OPCML: variants seen among roughly 807,000 people sequenced by gnomAD.
OPCML encodes opioid-binding protein/cell adhesion molecule.
OPCML carries 13 observed loss-of-function variants against 37.8 expected under a neutral mutation model. The observed-to-expected ratio is 0.34, with a 90% CI of 0.22 to 0.55. The LOEUF is 0.55. Among genes scored for constraint, OPCML ranks in the 20% least tolerant of loss-of-function variants. The probability of loss-of-function intolerance (pLI) is 0.91; values close to 1 mark genes in which losing one functional copy is unlikely to be tolerated. For missense variants in OPCML, 341 were observed against 435.6 expected (o/e 0.78, Z 1.93); for synonymous variants, 176 against 168.8 (o/e 1.04, Z -0.33).
chr11:132,450,110 C>T (rs1192592522), intron 4 of OPCML, among the ~76,000 whole-genome samples: 1 of 152,286 alleles, frequency 6.6e-6, no homozygotes, highest in East Asian at 1.9e-4. Flanking sequence ...CCTGCCCAGG[C>T]CCCAGGGGAG....
At chr11:132,933,715 C>A (rs533923746) in intron 2 of OPCML, among the ~76,000 whole-genome samples, 8 of 152,068 alleles carry the variant, frequency 5.3e-5, no homozygotes, top group South Asian at 2.1e-4. Context: ...ACTGAGAATG[C>A]AAGATAGATA....
At chr11:133,402,163 G>A (rs1240070645) in intron 1 of OPCML, among the ~76,000 whole-genome samples, 1 of 152,118 alleles carries the variant, frequency 6.6e-6, no homozygotes, top group African/African-American at 2.4e-5. Flanking sequence ...TGCATTTGGT[G>A]AGGGTCTTCT....
intron 3 of OPCML, among the ~76,000 whole-genome samples, chr11:132,548,590 C>A (rs548958684): frequency 6.6e-6 from 1 of 152,298 alleles, no homozygotes; most frequent in East Asian, 1.9e-4. Flanking sequence ...GGCAACAGAG[C>A]AGAGCCAGCG....
At chr11:133,357,800 A>G (rs1330140908) in intron 1 of OPCML, among the ~76,000 whole-genome samples, 1 of 152,066 alleles carries the variant, frequency 6.6e-6, no homozygotes, top group Non-Finnish European at 1.5e-5. Context: ...AGTGTTTAGC[A>G]CCTTCTTTGT....
At chr11:133,492,954 A>C (rs1407609010) in intron 1 of OPCML, among the ~76,000 whole-genome samples, 1 of 152,186 alleles carries the variant, frequency 6.6e-6, no homozygotes, top group Non-Finnish European at 1.5e-5. Flanking sequence ...TGCCATAAGA[A>C]GCATCAGGCA....
intron 1 of OPCML, chr11:133,302,262 A>G (rs576317851): frequency 9.2e-5 from 14 of 152,208 alleles, no homozygotes; most frequent in African/African-American, 2.9e-4. Context: ...CGGTTCCCCC[A>G]TGCTGTTCTC....
chr11:132,817,565 G>A lies in OPCML; in HGVS notation c.146+125361C>T, dbSNP rs1939705453. 3.3e-5 allele frequency among the ~76,000 whole-genome samples: 5 copies of A among 152,080 alleles called. No individual in the cohort carries two copies. The South Asian group carries it at 1.0e-3, about 32-fold the overall frequency. On this transcript the variant is annotated intron_variant, in intron 2 of 7. Coordinates refer to ENST00000524381, the MANE Select transcript of OPCML (RefSeq NM_001012393.5). Reference sequence around the variant, plus strand: ...ATAAGGTTTGTTTTTCTGGATATATGCCTATGCTTCAGAGGTGATCTCATA... The same window carrying A: ...ATAAGGTTTGTTTTTCTGGATATATACCTATGCTTCAGAGGTGATCTCATA...
At chr11:133,083,877 G>A (rs556081722) in intron 1 of OPCML, among the ~76,000 whole-genome samples, 1 of 152,192 alleles carries the variant, frequency 6.6e-6, no homozygotes, top group South Asian at 2.1e-4. Flanking sequence ...AATCCTAAAT[G>A]TTCTCTCTTT....
chr11:132,558,319 TCCCCTCTC>T (rs2096401248), intron 3 of OPCML, among the ~76,000 whole-genome samples: 6 of 17,692 alleles, frequency 3.4e-4, no homozygotes, highest in African/African-American at 1.7e-3. Flanking sequence ...CTCCCCCTCC[TCCCCTCTC>T]CCCCCCTCCT....
intron 1 of OPCML, among the ~76,000 whole-genome samples, chr11:133,447,884 G>A (rs1235941202): frequency 2.6e-5 from 4 of 152,146 alleles, no homozygotes; most frequent in African/African-American, 4.8e-5. Context: ...TTTTTAAGTT[G>A]AGTTCTTTGT....
At chr11:133,529,743 GT>G (rs1948565413) in intron 1 of OPCML, among the ~76,000 whole-genome samples, 1 of 152,164 alleles carries the variant, frequency 6.6e-6, no homozygotes, top group Non-Finnish European at 1.5e-5. Flanking sequence ...TAACGAGCTG[GT>G]ATTAATCCCT....
At chr11:133,454,917 C>T (rs939049496) in intron 1 of OPCML, among the ~76,000 whole-genome samples, 1 of 152,064 alleles carries the variant, frequency 6.6e-6, no homozygotes, top group Non-Finnish European at 1.5e-5. Flanking sequence ...TTTAAGAGTC[C>T]CCAGTTTTTC....
At chr11:132,768,241 A>G (rs910855398) in intron 2 of OPCML, among the ~76,000 whole-genome samples, 4 of 152,184 alleles carry the variant, frequency 2.6e-5, no homozygotes, top group African/African-American at 9.6e-5. Context: ...CCAGTTCCCT[A>G]CAGCTCCACC....
At chr11:133,221,396 C>T (rs763952518) in intron 1 of OPCML, among the ~76,000 whole-genome samples, 2 of 152,242 alleles carry the variant, frequency 1.3e-5, no homozygotes, top group African/African-American at 4.8e-5. Flanking sequence ...TGAGCAAAGT[C>T]GCTTGGTCTG....
Position 132,420,176 on chromosome 11 carries a change from G to A in OPCML, c.*17C>T, listed in dbSNP as rs778597510. 3.7e-6 allele frequency: 6 copies of A among 1,611,510 alleles called. No homozygotes were observed. The East Asian group carries it at 8.9e-5, about 24-fold the overall frequency. On this transcript the variant is annotated 3_prime_UTR_variant, in exon 8 of 8. Transcript: ENST00000524381. Reference sequence around the variant, plus strand: ...TATGGAGAAGCAGGCGTTGCTCAGAGGACCTAGGATTTCTTATCAAAACTT... The same window carrying A: ...TATGGAGAAGCAGGCGTTGCTCAGAAGACCTAGGATTTCTTATCAAAACTT...
chr11:133,427,804 C>A (rs1211932291), intron 1 of OPCML, among the ~76,000 whole-genome samples: 1 of 151,886 alleles, frequency 6.6e-6, no homozygotes, highest in Non-Finnish European at 1.5e-5. Flanking sequence ...GGCTTTGGAA[C>A]CAGGTAGTTT....
intron 1 of OPCML, among the ~76,000 whole-genome samples, chr11:133,486,917 A>C (rs1591554039): frequency 4.0e-5 from 5 of 125,812 alleles, no homozygotes; most frequent in South Asian, 2.6e-4. Flanking sequence ...CTTCCCCTCC[A>C]CCCCCTACAT....
At chr11:132,861,923 T>A (rs1942322931) in intron 2 of OPCML, among the ~76,000 whole-genome samples, 1 of 152,178 alleles carries the variant, frequency 6.6e-6, no homozygotes, top group African/African-American at 2.4e-5. Flanking sequence ...ATAAGTTTAC[T>A]CCTACTGGAT....
chr11:133,291,768 C>T (rs150248731), intron 1 of OPCML, among the ~76,000 whole-genome samples: 2 of 152,330 alleles, frequency 1.3e-5, no homozygotes, highest in East Asian at 3.9e-4. Context: ...TAATGAGACA[C>T]CCAATCTCAG....
Sources: allele counts gnomAD v4.1 joint callset (sites outside exome capture counted in the v4.1 genomes callset), GRCh38; gene constraint gnomAD v4.1.1; transcripts MANE v1.5; gene names NCBI Gene and HGNC (gene_info 2026-07-23, HGNC 2026-07-21).